L3MBTL4: variants seen among roughly 807,000 people sequenced by gnomAD.
L3MBTL4 encodes the protein lethal(3)malignant brain tumor-like protein 4.
Under a neutral mutation model 84.5 loss-of-function variants are expected in L3MBTL4, and 70 were observed. That is an observed-to-expected ratio of 0.83 (90% CI 0.68 to 1.01). The LOEUF is 1.01. L3MBTL4 is among the 50% of genes least tolerant of loss of function. The pLI is 0.00. For synonymous variants in L3MBTL4, 274 were observed against 259.8 expected (o/e 1.05, Z -0.52); for missense variants, 715 against 754.8 (o/e 0.95, Z 0.62).
intron 5 of L3MBTL4, among the ~76,000 whole-genome samples, chr18:6,248,804 C>T (rs1010777981): frequency 3.3e-5 from 5 of 152,198 alleles, no homozygotes; most frequent in Non-Finnish European, 7.3e-5. Flanking sequence ...TTGTACTCCT[C>T]TGTGTATAGG....
chr18:6,265,543 T>C (rs1337029980), intron 4 of L3MBTL4, among the ~76,000 whole-genome samples: 2 of 152,188 alleles, frequency 1.3e-5, no homozygotes, highest in African/African-American at 4.8e-5. Flanking sequence ...TCTGAGGTTA[T>C]CGAAAACTAT....
At chr18:6,109,564 C>A (rs887651310) in intron 14 of L3MBTL4, among the ~76,000 whole-genome samples, 3 of 152,096 alleles carry the variant, frequency 2.0e-5, no homozygotes, top group African/African-American at 7.2e-5. Flanking sequence ...TAATACCATT[C>A]CAGAGCCTGT....
intron 16 of L3MBTL4, among the ~76,000 whole-genome samples, chr18:6,066,999 A>C (rs2057423188): frequency 6.7e-6 from 1 of 149,234 alleles, no homozygotes; most frequent in African/African-American, 2.5e-5. Flanking sequence ...TTTGGTGCAT[A>C]TTTGTTTGTC....
intron 16 of L3MBTL4, among the ~76,000 whole-genome samples, chr18:5,982,337 T>A (rs1032037636): frequency 2.6e-5 from 4 of 152,224 alleles, no homozygotes; most frequent in African/African-American, 9.6e-5. Context: ...AGCTTCTGGC[T>A]TTCTTTACAG....
At chr18:6,353,087 G>C (rs1057154817) in intron 1 of L3MBTL4, among the ~76,000 whole-genome samples, 2 of 151,998 alleles carry the variant, frequency 1.3e-5, no homozygotes, top group African/African-American at 2.4e-5. Flanking sequence ...TCTTTAAAAA[G>C]GCACATTCTG....
At chr18:6,403,700 A>T (rs1158653260) in intron 1 of L3MBTL4, among the ~76,000 whole-genome samples, 1 of 152,230 alleles carries the variant, frequency 6.6e-6, no homozygotes. Flanking sequence ...AATATTTGTT[A>T]TCAAAACACT....
intron 1 of L3MBTL4, among the ~76,000 whole-genome samples, chr18:6,313,281 A>G (rs931530444): frequency 8.5e-5 from 13 of 152,204 alleles, no homozygotes; most frequent in Non-Finnish European, 1.5e-4. Context: ...GAGAAGCCTC[A>G]AGCCCTTAAA....
chr18:6,371,160 T>C (rs2054144186), intron 1 of L3MBTL4, among the ~76,000 whole-genome samples: 1 of 152,126 alleles, frequency 6.6e-6, no homozygotes, highest in African/African-American at 2.4e-5. Context: ...CCACACAATA[T>C]GAAAACAAAT....
intron 18 of L3MBTL4, 38 bp downstream of exon 18, chr18:5,960,056 A>G (rs781540209): frequency 4.5e-6 from 2 of 440,702 alleles, no homozygotes; most frequent in Non-Finnish European, 7.4e-6. Flanking sequence ...ATATATATAT[A>G]TATACATATA....
intron 5 of L3MBTL4, among the ~76,000 whole-genome samples, chr18:6,258,345 C>T (rs2048246296): frequency 6.6e-6 from 1 of 152,238 alleles, no homozygotes; most frequent in South Asian, 2.1e-4. Flanking sequence ...ATGGTTCCTA[C>T]TCAGCAGTGC....
At chr18:6,350,894 A>T (rs562252323) in intron 1 of L3MBTL4, among the ~76,000 whole-genome samples, 1 of 152,346 alleles carries the variant, frequency 6.6e-6, no homozygotes, top group East Asian at 1.9e-4. Flanking sequence ...ATTCAGCCTT[A>T]AAAAATGAAA....
rs776721464 is a variant in L3MBTL4, at chr18:6,027,505, A to G, written c.1444+53376T>C. ...AGTGCTGCAATAAACATATGTGTGC[A>G]TGTGTCTTTATGGTAGAATGATTTA... On this transcript the variant is annotated intron_variant, in intron 16 of 18. Coordinates refer to ENST00000317931, the MANE Select transcript of L3MBTL4 (RefSeq NM_001330559.2). Among the ~76,000 whole-genome samples the G allele has an allele frequency of 6.6e-5, 10 of 152,320 alleles. 1 individual carries two copies. The Middle Eastern group carries it at 0.01, about 155-fold the overall frequency.
At chr18:6,065,636 T>C (rs1394059777) in intron 16 of L3MBTL4, among the ~76,000 whole-genome samples, 3 of 152,116 alleles carry the variant, frequency 2.0e-5, no homozygotes, top group Non-Finnish European at 4.4e-5. Context: ...TTTGTGTGCA[T>C]AAAAGTGTTC....
chr18:6,027,369 C>G (rs1283065995), intron 16 of L3MBTL4, among the ~76,000 whole-genome samples: 1 of 152,272 alleles, frequency 6.6e-6, no homozygotes, highest in East Asian at 1.9e-4. Flanking sequence ...CATGAACTCA[C>G]TCATGTTTAT....
chr18:6,302,612 A>C (rs750939768), intron 3 of L3MBTL4, among the ~76,000 whole-genome samples: 3 of 152,204 alleles, frequency 2.0e-5, no homozygotes, highest in Non-Finnish European at 2.9e-5. Flanking sequence ...ACACAATAAC[A>C]AAGAGCATTT....
intron 13 of L3MBTL4, 48 bp downstream of exon 13, chr18:6,171,780 A>G: frequency 8.9e-7 from 1 of 1,121,506 alleles, no homozygotes; most frequent in Non-Finnish European, 1.3e-6. Flanking sequence ...TACGGCTGGA[A>G]ATCAGGCCAA....
intron 1 of L3MBTL4, among the ~76,000 whole-genome samples, chr18:6,377,180 C>A (rs1189630264): frequency 6.6e-6 from 1 of 152,146 alleles, no homozygotes; most frequent in African/African-American, 2.4e-5. Context: ...GTTACAAATT[C>A]ATCCATTCAC....
chr18:6,193,002 G>A (rs1475962413), intron 12 of L3MBTL4, among the ~76,000 whole-genome samples: 2 of 152,094 alleles, frequency 1.3e-5, no homozygotes, highest in Non-Finnish European at 2.9e-5. Context: ...AGGCCCTGAG[G>A]GCTGCAGATT....
intron 5 of L3MBTL4, among the ~76,000 whole-genome samples, chr18:6,258,254 TAAC>T (rs925212278): frequency 2.6e-4 from 40 of 152,274 alleles, no homozygotes; most frequent in African/African-American, 8.9e-4. Context: ...GAGCCCAGAC[TAAC>T]AACACAGAAG....
Sources: allele counts gnomAD v4.1 joint callset (sites outside exome capture counted in the v4.1 genomes callset), GRCh38; gene constraint gnomAD v4.1.1; transcripts MANE v1.5; gene names NCBI Gene and HGNC (gene_info 2026-07-23, HGNC 2026-07-21).